MBNL2: variants seen among roughly 807,000 people sequenced by gnomAD.
The protein encoded by MBNL2 is muscleblind like splicing regulator 2.
MBNL2 carries 17 observed loss-of-function variants against 41.9 expected under a neutral mutation model. That is an observed-to-expected ratio of 0.41 (90% CI 0.28 to 0.61). The LOEUF is 0.61. Ranked by LOEUF, MBNL2 falls within the 20% of genes least tolerant of loss-of-function variation. The pLI, the probability that MBNL2 is intolerant of heterozygous loss-of-function variation, is 0.35. For missense variants in MBNL2, 336 were observed against 505.6 expected, an observed-to-expected ratio of 0.66 and a Z score of 3.22; for synonymous variants, 195 against 182.9, an observed-to-expected ratio of 1.07 and a Z score of -0.53.
At chr13:97,141,976 G>A in the MBNL2 span, among the ~76,000 whole-genome samples, 1 of 152,074 alleles carries the variant, frequency 6.6e-6, no homozygotes, top group Admixed American at 6.5e-5. Context: ...GTTCCCTAAA[G>A]TAAGGCACTG....
chr13:97,361,912 A>G (rs1297474636), intron 7 of MBNL2, among the ~76,000 whole-genome samples: 6 of 151,512 alleles, frequency 4.0e-5, no homozygotes, highest in Non-Finnish European at 5.9e-5. Context: ...TGGGGTTACA[A>G]GCGTCTGCCA....
the MBNL2 span, among the ~76,000 whole-genome samples, chr13:97,158,072 A>C: frequency 1.2e-3 from 189 of 151,370 alleles, no homozygotes; most frequent in South Asian, 3.8e-3. Flanking sequence ...ACAATTTCAG[A>C]TCCTGTTATT....
At chr13:97,144,820 C>T in the MBNL2 span, among the ~76,000 whole-genome samples, 1 of 152,082 alleles carries the variant, frequency 6.6e-6, no homozygotes, top group Non-Finnish European at 1.5e-5. Flanking sequence ...CAAATAGGAA[C>T]AAATAAGGAG....
chr13:97,148,020 A>G, the MBNL2 span, among the ~76,000 whole-genome samples: 1 of 152,066 alleles, frequency 6.6e-6, no homozygotes, highest in South Asian at 2.1e-4. Flanking sequence ...TGAGCTGCCA[A>G]TGTACAGGTT....
intron 3 of MBNL2, among the ~76,000 whole-genome samples, chr13:97,337,637 C>G (rs1278299707): frequency 6.6e-6 from 1 of 152,184 alleles, no homozygotes; most frequent in Non-Finnish European, 1.5e-5. Flanking sequence ...TTCTACTGGC[C>G]TCACCTTTAA....
intron 2 of MBNL2, among the ~76,000 whole-genome samples, chr13:97,308,107 A>G (rs368802571): frequency 6.6e-6 from 1 of 152,242 alleles, no homozygotes; most frequent in East Asian, 1.9e-4. Flanking sequence ...AATGTCATGC[A>G]AAGAACCACA....
chr13:97,258,430 T>A (rs909640754), intron 1 of MBNL2, among the ~76,000 whole-genome samples: 1 of 152,250 alleles, frequency 6.6e-6, no homozygotes, highest in African/African-American at 2.4e-5. Flanking sequence ...TCTTTTTTAC[T>A]TCTAGGATGA....
intron 2 of MBNL2, among the ~76,000 whole-genome samples, chr13:97,295,646 C>T (rs565109402): frequency 2.0e-5 from 3 of 152,102 alleles, no homozygotes; most frequent in Non-Finnish European, 4.4e-5. Flanking sequence ...GCAAGCTTAG[C>T]CATAATGATC....
chr13:97,193,025 C>T, the MBNL2 span, among the ~76,000 whole-genome samples: 1 of 152,338 alleles, frequency 6.6e-6, no homozygotes, highest in African/African-American at 2.4e-5. Flanking sequence ...GTCCACTTCC[C>T]ACCCAAGTCT....
At chr13:97,367,282 C>T (rs1214840124) in intron 8 of MBNL2, among the ~76,000 whole-genome samples, 6 of 152,172 alleles carry the variant, frequency 3.9e-5, no homozygotes, top group Admixed American at 2.6e-4. Context: ...TGATTGTATC[C>T]GTGACCCTAG....
intron 1 of MBNL2, among the ~76,000 whole-genome samples, chr13:97,223,264 T>G (rs1594052466): frequency 6.6e-6 from 1 of 152,240 alleles, no homozygotes; most frequent in Non-Finnish European, 1.5e-5. Flanking sequence ...CAGAATAATT[T>G]AATGAGGGCA....
intron 5 of MBNL2, among the ~76,000 whole-genome samples, chr13:97,355,188 T>C (rs2153103659): frequency 6.6e-6 from 1 of 152,302 alleles, no homozygotes; most frequent in East Asian, 1.9e-4. Context: ...TTCATGTTAT[T>C]CGATGACTCC....
At chr13:97,177,243 G>A in the MBNL2 span, among the ~76,000 whole-genome samples, 7 of 152,152 alleles carry the variant, frequency 4.6e-5, no homozygotes, top group Non-Finnish European at 1.0e-4. Flanking sequence ...GGAGGCTGAG[G>A]CAGGAGAATC....
intron 1 of MBNL2, among the ~76,000 whole-genome samples, chr13:97,240,292 T>C (rs1418671651): frequency 6.6e-6 from 1 of 152,252 alleles, no homozygotes; most frequent in Non-Finnish European, 1.5e-5. Flanking sequence ...ACAGACTAGC[T>C]GCACAACTTC....
At chr13:97,303,784 T>C (rs981378015) in intron 2 of MBNL2, among the ~76,000 whole-genome samples, 1 of 152,242 alleles carries the variant, frequency 6.6e-6, no homozygotes, top group Admixed American at 6.5e-5. Context: ...AGACTATCTC[T>C]GAACCTTAGA....
At chr13:97,239,783 T>C (rs890601828) in intron 1 of MBNL2, among the ~76,000 whole-genome samples, 2 of 152,238 alleles carry the variant, frequency 1.3e-5, no homozygotes, top group African/African-American at 2.4e-5. Context: ...CTTCTGGTTA[T>C]GTGTGGCTGC....
At chr13:97,341,345 A>G (rs1449963322) in intron 3 of MBNL2, among the ~76,000 whole-genome samples, 1 of 152,222 alleles carries the variant, frequency 6.6e-6, no homozygotes, top group Non-Finnish European at 1.5e-5. Context: ...ACCTTTCAGA[A>G]TTGATTCTTT....
At chr13:97,309,960 T>C (rs1197858421) in intron 2 of MBNL2, among the ~76,000 whole-genome samples, 1 of 151,794 alleles carries the variant, frequency 6.6e-6, no homozygotes. Flanking sequence ...TGTAATGGAG[T>C]ATGGGGCAGG....
At chr13:97,322,319 T>G (rs947740629) in intron 2 of MBNL2, among the ~76,000 whole-genome samples, 11 of 152,140 alleles carry the variant, frequency 7.2e-5, no homozygotes, top group Non-Finnish European at 1.5e-4. Context: ...CCTGCTGCAG[T>G]CCAGGACTGC....
Sources: allele counts gnomAD v4.1 joint callset (sites outside exome capture counted in the v4.1 genomes callset), GRCh38; gene constraint gnomAD v4.1.1; transcripts MANE v1.5; gene names NCBI Gene and HGNC (gene_info 2026-07-23, HGNC 2026-07-21).